MEMO1: variants seen among roughly 807,000 people sequenced by gnomAD.
The protein encoded by MEMO1 is protein MEMO1.
In MEMO1, 6 loss-of-function variants were observed where a neutral mutation model predicts 45.2. The ratio of observed to expected loss-of-function variants is 0.13; its 90% confidence interval spans 0.07 to 0.26. The LOEUF (loss-of-function observed/expected upper bound fraction) is 0.26, where lower values mean the gene tolerates loss of function less well. MEMO1 is among the 10% of genes least tolerant of loss of function. The pLI, the probability that MEMO1 is intolerant of heterozygous loss-of-function variation, is 1.00. For missense variants in MEMO1, 184 were observed against 370.5 expected (o/e 0.50, Z 4.13); for synonymous variants, 78 against 124.3 (o/e 0.63, Z 2.48).
At chr2:31,906,348 G>C (rs867914586) in intron 6 of MEMO1, among the ~76,000 whole-genome samples, 2 of 145,938 alleles carry the variant, frequency 1.4e-5, no homozygotes, top group Non-Finnish European at 1.5e-5. Flanking sequence ...TTTTGAGATA[G>C]AGTCTCGCCC....
At position 32,009,044 on chromosome 2, in the gene MEMO1, A is replaced by C. The variant is rs148250584; in HGVS notation, c.61+1143T>G. On this transcript the variant is annotated intron_variant, in intron 2 of 9. Transcript: ENST00000404530. Reference sequence around the variant, plus strand: ...ATGACTGAAGACTATGAGGAATCACAGTAGAACTGTCTTTGTTAACATACC... The same window carrying C: ...ATGACTGAAGACTATGAGGAATCACCGTAGAACTGTCTTTGTTAACATACC... Among the ~76,000 whole-genome samples the C allele has an allele frequency of 2.4e-3, 367 of 152,364 alleles. 3 individuals are homozygous for C. Among genetic ancestry groups the C allele is most frequent in the Admixed American group, 5.6e-3 (86 of 15,300 alleles).
intron 8 of MEMO1, 30 bp downstream of exon 8, chr2:31,883,356 G>A (rs1675696766): frequency 5.7e-6 from 8 of 1,414,354 alleles, no homozygotes; most frequent in Non-Finnish European, 7.8e-6. Context: ...AAGCCTTAGA[G>A]CATTAAAATC....
intron 2 of MEMO1, among the ~76,000 whole-genome samples, chr2:32,006,964 C>CAAAAAAAAAAAAAAAAAAAAAAAAAAAAA (rs67557055): frequency 1.3e-5 from 1 of 75,970 alleles, no homozygotes; most frequent in Non-Finnish European, 2.5e-5. Context: ...GATTCCATCT[C>CAAAAAAAAAAAAAAAAAAAAAAAAAAAAA]AAAAAAAAAA....
chr2:31,983,947 T>A (rs965751333), intron 2 of MEMO1, among the ~76,000 whole-genome samples: 1 of 152,178 alleles, frequency 6.6e-6, no homozygotes, highest in Non-Finnish European at 1.5e-5. Flanking sequence ...GCTGAAAAAT[T>A]CTGAGCAACA....
chr2:31,881,382 CCA>C (rs966812348), intron 8 of MEMO1, among the ~76,000 whole-genome samples: 45 of 150,868 alleles, frequency 3.0e-4, no homozygotes, highest in African/African-American at 1.1e-3. Context: ...GTGCTCCCGG[CCA>C]CTCAGGAGAC....
At chr2:31,995,344 C>T (rs1057445430) in intron 2 of MEMO1, among the ~76,000 whole-genome samples, 1 of 151,846 alleles carries the variant, frequency 6.6e-6, no homozygotes, top group Non-Finnish European at 1.5e-5. Context: ...CCCAGCTACT[C>T]GGGAGAGGCT....
intron 2 of MEMO1, among the ~76,000 whole-genome samples, chr2:31,992,653 G>A (rs371867426): frequency 1.6e-4 from 24 of 152,114 alleles, no homozygotes; most frequent in Admixed American, 1.4e-3. Flanking sequence ...GTGTGGTGGC[G>A]GGAGCCTATA....
At chr2:31,912,949 T>C (rs1680817843) in intron 6 of MEMO1, among the ~76,000 whole-genome samples, 1 of 152,198 alleles carries the variant, frequency 6.6e-6, no homozygotes, top group Admixed American at 6.5e-5. Flanking sequence ...CTACTATTTT[T>C]TTAAAAAGCT....
At chr2:31,916,071 A>G (rs1481654891) in intron 6 of MEMO1, among the ~76,000 whole-genome samples, 1 of 152,076 alleles carries the variant, frequency 6.6e-6, no homozygotes, top group Non-Finnish European at 1.5e-5. Context: ...TAAAAGGGGG[A>G]ATTATAAATA....
chr2:31,881,310 C>T (rs1456208635), intron 8 of MEMO1, among the ~76,000 whole-genome samples: 2 of 150,778 alleles, frequency 1.3e-5, no homozygotes, highest in Admixed American at 6.6e-5. Context: ...GGCAACATGG[C>T]GAAACCTCGT....
intron 2 of MEMO1, among the ~76,000 whole-genome samples, chr2:31,953,822 C>A (rs977027761): frequency 6.6e-6 from 1 of 152,126 alleles, no homozygotes; most frequent in South Asian, 2.1e-4. Context: ...CAAAATGATG[C>A]ATGACAAGGC....
At chr2:31,925,725 C>CA (rs1683002924) in intron 4 of MEMO1, among the ~76,000 whole-genome samples, 1 of 152,088 alleles carries the variant, frequency 6.6e-6, no homozygotes, top group African/African-American at 2.4e-5. Context: ...GAGCGTAAAA[C>CA]CACTGGCCCA....
chr2:31,972,698 G>A (rs746560556), intron 2 of MEMO1, among the ~76,000 whole-genome samples: 3 of 151,932 alleles, frequency 2.0e-5, no homozygotes, highest in Non-Finnish European at 2.9e-5. Context: ...GCAACAGAGT[G>A]AGACTCCATC....
At chr2:31,947,842 G>A (rs147268825) in intron 2 of MEMO1, among the ~76,000 whole-genome samples, 1 of 152,210 alleles carries the variant, frequency 6.6e-6, no homozygotes, top group East Asian at 1.9e-4. Context: ...TGCTTTTCAA[G>A]AATTCCCTTG....
chr2:32,010,117 C>A (rs1288454451), intron 2 of MEMO1, 70 bp downstream of exon 2: 1 of 827,022 alleles, frequency 1.2e-6, no homozygotes, highest in Non-Finnish European at 1.5e-6. Context: ...GCCGGGCCGC[C>A]GACCTCGGCC....
chr2:31,970,847 T>C (rs764645968), intron 2 of MEMO1, among the ~76,000 whole-genome samples: 1 of 152,016 alleles, frequency 6.6e-6, no homozygotes, highest in Non-Finnish European at 1.5e-5. Context: ...CTACTAAAAA[T>C]AGACCAATTA....
chr2:31,920,793 C>T lies in MEMO1; in HGVS notation c.325+5G>A. 1 of 1,502,868 alleles carries T rather than the reference C, an allele frequency of 6.7e-7. No individual in the cohort carries two copies. Among genetic ancestry groups the T allele is most frequent in the Non-Finnish European group, 9.0e-7 (1 of 1,109,588 alleles). The allele number at this position is 1,502,868 out of a possible 1,614,324, so 93.1% of individuals were successfully genotyped here. ...TTGAAAGCTATAATATTTCTATATA[C>T]TTACTCTTTTGGTCAATACGAAGGT... is the stretch of plus-strand genomic sequence containing the variant. On this transcript the variant is annotated splice_donor_5th_base_variant and intron_variant, in intron 5 of 9. Transcript: ENST00000404530.
intron 3 of MEMO1, among the ~76,000 whole-genome samples, chr2:31,939,799 C>T (rs1478775725): frequency 6.6e-6 from 1 of 152,142 alleles, no homozygotes; most frequent in Non-Finnish European, 1.5e-5. Flanking sequence ...AAAAATCCTC[C>T]TTACCATATA....
intron 2 of MEMO1, among the ~76,000 whole-genome samples, chr2:31,962,059 T>C (rs1668067003): frequency 6.6e-6 from 1 of 152,036 alleles, no homozygotes. Flanking sequence ...CGTCTGTAAT[T>C]CAGTTGTTAT....
Sources: allele counts gnomAD v4.1 joint callset (sites outside exome capture counted in the v4.1 genomes callset), GRCh38; gene constraint gnomAD v4.1.1; transcripts MANE v1.5; gene names NCBI Gene and HGNC (gene_info 2026-07-23, HGNC 2026-07-21).